The following HMCN1 variants were observed in gnomAD, a reference collection of about 807,000 sequenced individuals.
HMCN1 encodes the protein hemicentin 1.
A neutral mutation model predicts 625.9 loss-of-function variants in HMCN1; 321 were observed. The ratio of observed to expected loss-of-function variants is 0.51; its 90% CI spans 0.47 to 0.56. The LOEUF (loss-of-function observed/expected upper bound fraction) is 0.56. Ranked by LOEUF, HMCN1 falls within the 20% of genes least tolerant of loss-of-function variation. The pLI is 0.00. For missense variants in HMCN1, 6,588 were observed against 6,887.3 expected (o/e 0.96, Z 1.54); for synonymous variants, 2,425 against 2,417.6 (o/e 1.00, Z -0.09).
At chr1:185,919,930 C>T (rs1213095912) in intron 6 of HMCN1, among the ~76,000 whole-genome samples, 1 of 152,102 alleles carries the variant, frequency 6.6e-6, no homozygotes, top group Non-Finnish European at 1.5e-5. Context: ...TTTCTCCTCC[C>T]TTTTCCATTT....
At chr1:186,005,115 A>ACG (rs1653473170) in intron 29 of HMCN1, among the ~76,000 whole-genome samples, 4 of 150,278 alleles carry the variant, frequency 2.7e-5, no homozygotes, top group Non-Finnish European at 3.0e-5. Flanking sequence ...TTGTTTATAA[A>ACG]TGTTTATAAA....
intron 52 of HMCN1, 135 bp from the exon 53 acceptor site, chr1:186,074,601 TGATTA>T (rs956835235): frequency 5.5e-6 from 4 of 724,248 alleles, no homozygotes; most frequent in Non-Finnish European, 9.1e-6. Flanking sequence ...TCAATTATTT[TGATTA>T]AACTATTGTC....
At chr1:185,962,127 T>C (rs576895548) in intron 11 of HMCN1, among the ~76,000 whole-genome samples, 2 of 152,212 alleles carry the variant, frequency 1.3e-5, no homozygotes, top group East Asian at 1.9e-4. Flanking sequence ...TCAGGACAAG[T>C]TGTGGCTCCA....
In HMCN1 at chr1:186,062,575, T is replaced by A; in HGVS notation, c.7488T>A (p.Ser2496Arg). 6.2e-7 allele frequency: 1 copy of A among 1,612,446 alleles called. No individual in the cohort carries two copies. Among genetic ancestry groups the A allele is most frequent in the South Asian group, 1.1e-5 (1 of 91,052 alleles). The change falls in exon 48 of 107, where the codon AGT becomes AGA. Residue 2496 changes from serine to arginine, a missense_variant. Ser to Arg is a moderately radical substitution (Grantham distance 110). Transcript: ENST00000271588. ...ATGTGAAGGTAAAAGAGAAACAGAG[T>A]GTTACGCTGACTTGTGAAGTGACAG... ...LEDVKVKEKQ[S>R]VTLTCEVTGN...
intron 1 of HMCN1, among the ~76,000 whole-genome samples, chr1:185,836,014 G>C (rs1480395936): frequency 6.6e-6 from 1 of 152,068 alleles, no homozygotes; most frequent in African/African-American, 2.4e-5. Flanking sequence ...TGAGAGGATT[G>C]AAAAAGAATA....
At chr1:185,958,385 C>T (rs1649769620) in intron 11 of HMCN1, among the ~76,000 whole-genome samples, 2 of 152,146 alleles carry the variant, frequency 1.3e-5, no homozygotes, top group Admixed American at 1.3e-4. Flanking sequence ...TCCGAAAATG[C>T]TGGGATTACA....
Position 186,087,625 on chromosome 1 carries a change from C to A in HMCN1, c.9343C>A (p.Leu3115Ile), listed in dbSNP as rs1319873867. ...GGAGATTTTAGCTGATGGACAAATG[C>A]TACACATTAAGAAAGCTGAGGTGCA... ...HVEILADGQMLHIKKAEVSDT... is the reference protein window; with the variant it reads ...HVEILADGQMIHIKKAEVSDT... Residue 3115 changes from leucine to isoleucine, a missense_variant, in exon 60 of 107, where the codon CTA becomes ATA. By Grantham distance (5) the Leu-to-Ile change is conservative. This residue lies in a region of HMCN1 where 4,628 missense variants were observed against 4,853.1 expected (regional missense o/e 0.95). Transcript: ENST00000271588. The A allele has an allele frequency of 6.2e-7, 1 of 1,613,082 alleles. No individual in the cohort carries two copies. Among genetic ancestry groups the A allele is most frequent in the Non-Finnish European group, 8.5e-7 (1 of 1,179,330 alleles).
At chr1:186,145,667 T>C (rs1571416158) in intron 92 of HMCN1, 86 bp from the exon 93 acceptor site, 2 of 1,611,042 alleles carry the variant, frequency 1.2e-6, no homozygotes, top group African/African-American at 1.3e-5. Context: ...AAAATGAAAG[T>C]TGTATAGGCA....
chr1:186,116,026 A>G (rs1198618240), intron 75 of HMCN1, among the ~76,000 whole-genome samples: 2 of 152,156 alleles, frequency 1.3e-5, no homozygotes, highest in African/African-American at 2.4e-5. Flanking sequence ...AACATTTGCC[A>G]TAGCGCTAAA....
chr1:186,163,737 TGCAAG>T (rs1057271591), intron 97 of HMCN1, among the ~76,000 whole-genome samples: 12 of 152,322 alleles, frequency 7.9e-5, no homozygotes, highest in Middle Eastern at 3.4e-3. Context: ...ATGAAAGTCT[TGCAAG>T]GCAAGGGACA....
chr1:185,751,259 C>A (rs1185656144), intron 1 of HMCN1, among the ~76,000 whole-genome samples: 3 of 152,044 alleles, frequency 2.0e-5, no homozygotes, highest in African/African-American at 7.2e-5. Flanking sequence ...GTGTATACTA[C>A]CTTCATTCTT....
chr1:185,738,071 T>C (rs865835808), intron 1 of HMCN1, among the ~76,000 whole-genome samples: 37 of 152,296 alleles, frequency 2.4e-4, no homozygotes, highest in African/African-American at 8.2e-4. Flanking sequence ...CCTTTTGATT[T>C]TGATGTTAAC....
At position 185,954,357 on chromosome 1, in the gene HMCN1, C is replaced by T. The variant is rs116497463; in HGVS notation, c.1829-8161C>T. ...GTACTTAGGTTTCGTTGTGAGAACT[C>T]AAGTAAGAAAAAAACTTAACAGTAA... On this transcript the variant is annotated intron_variant, in intron 11 of 106. Coordinates refer to ENST00000271588, the MANE Select transcript of HMCN1 (RefSeq NM_031935.3). Among the ~76,000 whole-genome samples the T allele has an allele frequency of 3.1e-3, 475 of 152,090 alleles. 4 individuals carry two copies. Among genetic ancestry groups the T allele is most frequent in the African/African-American group, 0.011 (442 of 41,482 alleles).
rs922416371 is a variant in HMCN1, at chr1:185,912,106, A to G, written c.900+326A>G. Among the ~76,000 whole-genome samples, 11 of 152,320 alleles carry G rather than the reference A, an allele frequency of 7.2e-5. No individual in the cohort carries two copies. The East Asian group carries it at 2.1e-3, about 29-fold the overall frequency. On this transcript the variant is annotated intron_variant, in intron 6 of 106. Coordinates refer to ENST00000271588, the MANE Select transcript of HMCN1 (RefSeq NM_031935.3). The stretch of plus-strand genomic sequence containing the variant: ...ATGGAGCCAACACAGAATAACGGTT[A>G]GAGCCATAGGCTCTGTTTTGAAACT...
At chr1:186,012,525 T>A (rs1316377189) in intron 30 of HMCN1, among the ~76,000 whole-genome samples, 1 of 152,018 alleles carries the variant, frequency 6.6e-6, no homozygotes, top group Non-Finnish European at 1.5e-5. Flanking sequence ...TAAAAAAAAA[T>A]TTACTATTGA....
chr1:186,055,799 C>A (rs1172625725), intron 45 of HMCN1, 125 bp downstream of exon 45: 6 of 941,848 alleles, frequency 6.4e-6, no homozygotes, highest in African/African-American at 3.3e-5. Context: ...AACATATATA[C>A]CTTTTCCCCA....
chr1:185,921,295 C>T (rs1337408169), intron 6 of HMCN1, among the ~76,000 whole-genome samples: 3 of 151,988 alleles, frequency 2.0e-5, no homozygotes, highest in Non-Finnish European at 4.4e-5. Context: ...CCTTTGAGTT[C>T]TTGAGATTCT....
intron 11 of HMCN1, among the ~76,000 whole-genome samples, chr1:185,942,163 C>T (rs1247085628): frequency 1.3e-5 from 2 of 148,882 alleles, no homozygotes; most frequent in Non-Finnish European, 3.0e-5. Context: ...TGCACTCCAG[C>T]CTGGGCCACA....
At chr1:186,016,874 T>C in intron 32 of HMCN1, 89 bp from the exon 33 acceptor site, 2 of 786,882 alleles carry the variant, frequency 2.5e-6, no homozygotes, top group Non-Finnish European at 4.6e-6. Flanking sequence ...CTATCAATCT[T>C]CTGAACTGCT....
Sources: allele counts gnomAD v4.1 joint callset (sites outside exome capture counted in the v4.1 genomes callset), GRCh38; gene constraint gnomAD v4.1.1; regional missense constraint gnomAD v4.1.1; transcripts MANE v1.5; gene names NCBI Gene and HGNC (gene_info 2026-07-23, HGNC 2026-07-21).